FIGNL2: variants seen among roughly 807,000 people sequenced by gnomAD.
FIGNL2 encodes fidgetin-like protein 2.
For missense variants in FIGNL2, 1,060 were observed against 950.2 expected, an observed-to-expected ratio of 1.12 and a Z score of -1.52; for synonymous variants, 565 against 484.0, an observed-to-expected ratio of 1.17 and a Z score of -2.20.
intron 1 of FIGNL2, among the ~76,000 whole-genome samples, chr12:51,841,157 G>T (rs1202257235): frequency 6.6e-6 from 1 of 152,238 alleles, no homozygotes. Flanking sequence ...GGTCCACCTG[G>T]GTGTGAGTGG....
Position 51,820,648 on chromosome 12 carries a change from C to A in FIGNL2, c.1766G>T (p.Gly589Val). ...CTCGCCCCCAGAGAAGCCCTGCGTGCCCTGCACCAGCGCCGCCAGTTCCCG... is the reference window on the plus strand; with the variant it reads ...CTCGCCCCCAGAGAAGCCCTGCGTGACCTGCACCAGCGCCGCCAGTTCCCG... ...SERELAALVQ[G>V]TQGFSGGELG... is the part of the protein sequence containing the mutation. Residue 589 changes from glycine (G) to valine (V), a missense_variant, in exon 2 of 2, where the codon GGC becomes GTC. Physicochemically the swap from Gly to Val is moderately radical, Grantham distance 109. Coordinates refer to ENST00000618634, the MANE Select transcript of FIGNL2 (RefSeq NM_001384995.1). 1 of 1,519,834 alleles carries A rather than the reference C, an allele frequency of 6.6e-7. No homozygotes were observed. The highest frequency in any genetic ancestry group is 8.8e-7 in the Non-Finnish European group (1 of 1,140,946). The allele number at this position is 1,519,834 out of a possible 1,614,324, so 94.1% of individuals were successfully genotyped here.
intron 1 of FIGNL2, among the ~76,000 whole-genome samples, chr12:51,832,107 C>T (rs542264913): frequency 1.3e-5 from 2 of 152,174 alleles, no homozygotes; most frequent in African/African-American, 4.8e-5. Context: ...ACCTCTGCCT[C>T]CTGGATTTAA....
chr12:51,848,083 CCA>C (rs146738461), intron 1 of FIGNL2: 1,386 of 875,426 alleles, frequency 1.6e-3, no homozygotes, highest in Non-Finnish European at 1.7e-3. Context: ...CCCACCCCTC[CCA>C]CACACACACA....
At position 51,819,812 on chromosome 12, in the gene FIGNL2, C is replaced by T. The variant is rs561307572; in HGVS notation, c.*640G>A. The T allele has an allele frequency of 6.5e-6, 1 of 153,280 alleles. No homozygotes were observed. Among genetic ancestry groups the T allele is most frequent in the Non-Finnish European group, 1.5e-5 (1 of 68,512 alleles). 9.5% of individuals were successfully genotyped at this position (153,280 alleles called of 1,614,324 possible). On this transcript the variant is annotated 3_prime_UTR_variant, in exon 2 of 2. Coordinates refer to ENST00000618634, the MANE Select transcript of FIGNL2 (RefSeq NM_001384995.1). ...TTCAGATGGGTAGAGGGGTAACCCTCCTCCTCAGCCCCTGGGCCTCCAGAG... is the reference window on the plus strand; with the variant it reads ...TTCAGATGGGTAGAGGGGTAACCCTTCTCCTCAGCCCCTGGGCCTCCAGAG...
Position 51,848,585 on chromosome 12 carries a change from G to A in FIGNL2, c.-57C>T. ...CTAGGTGAGTGTGCGCGGCCTGGGG[G>A]CGCGTCCGGCCCGGGGACCGGGGCG... On this transcript the variant is annotated 5_prime_UTR_variant, in exon 1 of 2. Transcript: ENST00000618634. The A allele has an allele frequency of 2.0e-6, 2 of 977,046 alleles. No homozygotes were observed. 60.5% of individuals were successfully genotyped at this position (977,046 alleles called of 1,614,324 possible).
At chr12:51,841,234 A>C (rs533675952) in intron 1 of FIGNL2, among the ~76,000 whole-genome samples, 7 of 132,236 alleles carry the variant, frequency 5.3e-5, no homozygotes, top group Non-Finnish European at 1.1e-4. Context: ...AGGGAAAAAG[A>C]TACTGGGGGG....
intron 1 of FIGNL2, among the ~76,000 whole-genome samples, chr12:51,840,853 T>C (rs1057236279): frequency 1.3e-5 from 2 of 152,218 alleles, no homozygotes; most frequent in African/African-American, 4.8e-5. Context: ...CCCCTCCCCG[T>C]AGCCAGTTTT....
intron 1 of FIGNL2, among the ~76,000 whole-genome samples, chr12:51,846,289 C>CT (rs895670682): frequency 2.4e-4 from 36 of 152,280 alleles, no homozygotes; most frequent in African/African-American, 7.5e-4. Flanking sequence ...AAGCTCGGGG[C>CT]TGGGGAGGTG....
intron 1 of FIGNL2, chr12:51,841,829 C>G (rs1024458700): frequency 2.0e-5 from 3 of 152,204 alleles, no homozygotes; most frequent in Admixed American, 1.3e-4. Flanking sequence ...GATCTCTGCA[C>G]GACCGTGGCG....
chr12:51,824,881 TA>T (rs1235113022), intron 1 of FIGNL2, among the ~76,000 whole-genome samples: 3 of 152,062 alleles, frequency 2.0e-5, no homozygotes, highest in Admixed American at 1.3e-4. Flanking sequence ...CCGTCTGTAC[TA>T]AAAATACAAA....
chr12:51,834,677 C>T (rs1054476610), intron 1 of FIGNL2, among the ~76,000 whole-genome samples: 1 of 152,202 alleles, frequency 6.6e-6, no homozygotes. Flanking sequence ...GCTCTGTGTA[C>T]GCGTGCACAC....
intron 1 of FIGNL2, chr12:51,847,205 C>T: frequency 3.0e-6 from 3 of 985,358 alleles, no homozygotes; most frequent in Non-Finnish European, 3.6e-6. Context: ...TATGGGATTT[C>T]GGGGTAGGCT....
At chr12:51,824,381 T>G (rs996915907) in intron 1 of FIGNL2, 19 of 152,206 alleles carry the variant, frequency 1.2e-4, no homozygotes, top group African/African-American at 4.6e-4. Flanking sequence ...CCACCCCTGT[T>G]GATGCTCTCT....
chr12:51,822,270 G>C lies in FIGNL2; in HGVS notation c.144C>G (p.His48Gln). ...AGGCAGTGAGGGCTGAGATGTCGTCGTGTGCCCAAGCGTAGTGGCAGCGTT... is the reference window on the plus strand; with the variant it reads ...AGGCAGTGAGGGCTGAGATGTCGTCCTGTGCCCAAGCGTAGTGGCAGCGTT... ...GRQRCHYAWA[H>Q]DDISALTASN... Residue 48 changes from histidine (H) to glutamine (Q), a missense_variant, in exon 2 of 2, where the codon CAC becomes CAG. By Grantham distance (24) the His-to-Gln change is conservative. Coordinates refer to ENST00000618634, the MANE Select transcript of FIGNL2 (RefSeq NM_001384995.1). The C allele has an allele frequency of 1.2e-6, 2 of 1,611,424 alleles. No individual in the cohort carries two copies. The highest frequency in any genetic ancestry group is 2.2e-5 in the East Asian group (1 of 44,780).
Position 51,825,639 on chromosome 12 carries a change from C to T in FIGNL2, c.-11-3215G>A, listed in dbSNP as rs530732546. On this transcript the variant is annotated intron_variant, in intron 1 of 1. Transcript: ENST00000618634. ...ACACTCTTTTTTTTTTTTTTTGAGA[C>T]GGAGTCTCGCTCTGTCGCCCAGGCT... Among the ~76,000 whole-genome samples the T allele has an allele frequency of 3.2e-3, 441 of 138,448 alleles. 3 individuals are homozygous for T. Among genetic ancestry groups the T allele is most frequent in the South Asian group, 8.9e-3 (40 of 4,474 alleles). The allele number at this position is 138,448 out of a possible 152,430, so 90.8% of individuals were successfully genotyped here. A position where few individuals can be genotyped will look rare whatever the true frequency, so the allele number is the denominator to read the frequency against.
intron 1 of FIGNL2, among the ~76,000 whole-genome samples, chr12:51,834,355 C>A (rs898859769): frequency 6.6e-6 from 1 of 152,114 alleles, no homozygotes; most frequent in African/African-American, 2.4e-5. Flanking sequence ...TCTCAGCCCC[C>A]CAGAGACTCC....
intron 1 of FIGNL2, among the ~76,000 whole-genome samples, chr12:51,836,202 G>C (rs985287930): frequency 7.2e-5 from 11 of 152,142 alleles, no homozygotes; most frequent in African/African-American, 2.4e-4. Context: ...GGCTAGCTGA[G>C]TCAACTCCCT....
chr12:51,843,384 A>C (rs906524837), intron 1 of FIGNL2, among the ~76,000 whole-genome samples: 2 of 27,610 alleles, frequency 7.2e-5, no homozygotes, highest in African/African-American at 2.7e-4. Context: ...TAAAAATACA[A>C]AAAAAAAAAA....
At chr12:51,825,768 T>C (rs1296072657) in intron 1 of FIGNL2, 2 of 151,722 alleles carry the variant, frequency 1.3e-5, no homozygotes, top group African/African-American at 2.4e-5. Context: ...AGGCGCCCGC[T>C]ACCACGCCCG....
Sources: gnomAD v4.1 joint callset for allele counts (sites outside exome capture counted in the v4.1 genomes callset) on GRCh38, gnomAD v4.1.1 for gene constraint, MANE v1.5 for transcripts, NCBI Gene and HGNC (gene_info 2026-07-23, HGNC 2026-07-21) for gene names.